The following KCP variants were observed in gnomAD, a reference collection of about 807,000 sequenced individuals.
KCP encodes kielin/chordin-like protein.
KCP carries 194 observed loss-of-function variants against 212.7 expected under a neutral mutation model. The observed-to-expected ratio is 0.91, with a 90% CI of 0.81 to 1.03. KCP has a LOEUF of 1.03. Ranked by LOEUF, KCP falls within the 50% of genes least tolerant of loss-of-function variation. The pLI is 0.00. For synonymous variants in KCP, 833 were observed against 865.3 expected (o/e 0.96, Z 0.65); for missense variants, 2,080 against 2,162.5 (o/e 0.96, Z 0.76).
chr7:128,903,947 A>C, intron 6 of KCP, 109 bp downstream of exon 6: 1 of 1,355,468 alleles, frequency 7.4e-7, no homozygotes, highest in Non-Finnish European at 1.0e-6. Flanking sequence ...AGCTGGCTCC[A>C]CCTCTCGGGA....
At chr7:128,886,767 G>C in intron 24 of KCP, 30 bp from the exon 25 acceptor site, 1 of 1,544,096 alleles carries the variant, frequency 6.5e-7, no homozygotes, top group Non-Finnish European at 8.8e-7. Flanking sequence ...TGGGTGGGGG[G>C]CCTGTGCCAC....
chr7:128,907,998 G>A (rs1214126349), intron 2 of KCP, among the ~76,000 whole-genome samples: 2 of 151,728 alleles, frequency 1.3e-5, no homozygotes, highest in Non-Finnish European at 2.9e-5. Context: ...GTATGGTGGT[G>A]CACACTTGTA....
At chr7:128,877,847 G>A in intron 38 of KCP, 57 bp from the exon 39 acceptor site, 2 of 1,456,636 alleles carry the variant, frequency 1.4e-6, no homozygotes, top group Non-Finnish European at 1.9e-6. Flanking sequence ...GCCTCTGCAT[G>A]CCGTGCTCTT....
In KCP at chr7:128,892,937, T is replaced by C; in HGVS notation, c.1352A>G (p.Asp451Gly). The C allele has an allele frequency of 1.4e-6, 2 of 1,466,250 alleles. No homozygotes were observed. Among genetic ancestry groups the C allele is most frequent in the Non-Finnish European group, 1.9e-6 (2 of 1,069,276 alleles). The allele number at this position is 1,466,250 out of a possible 1,614,324, so 90.8% of individuals were successfully genotyped here. A position where few individuals can be genotyped will look rare whatever the true frequency, so the allele number is the denominator to read the frequency against. The change falls in exon 14 of 40, where the codon GAT (aspartate) becomes GGT (glycine). Residue 451 changes from aspartate to glycine, a missense_variant. Coordinates refer to ENST00000610776, the MANE Select transcript of KCP (RefSeq NM_001366122.1). ...CACAGCCCCGCACTTGGGTACCCCA[T>C]CTTGACAGACGCAGGCGGTGCAGGG... ...GRPCTACVCQDGVPKCGAVLC... is the reference protein window; with the variant it reads ...GRPCTACVCQGGVPKCGAVLC...
chr7:128,892,750 C>T lies in KCP; in HGVS notation c.1465G>A (p.Val489Met). 6.4e-7 allele frequency: 1 copy of T among 1,551,806 alleles called. No individual in the cohort carries two copies. Among genetic ancestry groups the T allele is most frequent in the Non-Finnish European group, 8.7e-7 (1 of 1,146,980 alleles). Residue 489 changes from valine (V) to methionine (M), a missense_variant, in exon 15 of 40, where the codon GTG becomes ATG. By Grantham distance (21) the Val-to-Met change is conservative (BLOSUM62 1). Transcript: ENST00000610776. ...GTGAAGTTCTGCCCATTGGCATACA[C>T]TTGGCTGTGGTAGGTGCAGCTGTCA... ...SCDSCTYHSQ[V>M]YANGQNFTDA... is the part of the protein sequence containing the mutation.
In KCP at chr7:128,894,274, C is replaced by A. The variant is rs904732421; in HGVS notation, c.851G>T (p.Arg284Leu). The change falls in exon 9 of 40, where the codon CGC (arginine) becomes CTC (leucine). Residue 284 changes from arginine to leucine, a missense_variant. Arg to Leu is a moderately radical substitution (Grantham distance 102). Transcript: ENST00000610776. ...ACACAGGCTGGCACATTCTCGCTGGCGGCACTGGATGTGACCCTCCTGGTG... is the reference window on the plus strand; with the variant it reads ...ACACAGGCTGGCACATTCTCGCTGGAGGCACTGGATGTGACCCTCCTGGTG... ...CRCLEGHIQC[R>L]QRECASLCPY... 10 of 1,542,866 alleles carry A rather than the reference C, an allele frequency of 6.5e-6. No homozygotes were observed. The highest frequency in any genetic ancestry group is 8.8e-6 in the Non-Finnish European group (10 of 1,141,304).
chr7:128,910,702 C>G lies in KCP; in HGVS notation c.-26G>C. Reference sequence around the variant, plus strand: ...GCTAGCTCCGCCTCGCTCGGCTCGCCGTCTGTCGTCGCGGCTCAGCAGGCG... The same window carrying G: ...GCTAGCTCCGCCTCGCTCGGCTCGCGGTCTGTCGTCGCGGCTCAGCAGGCG... On this transcript the variant is annotated 5_prime_UTR_variant, in exon 1 of 40. Transcript: ENST00000610776. 4.1e-6 allele frequency: 6 copies of G among 1,467,452 alleles called. No homozygotes were observed. The highest frequency in any genetic ancestry group is 5.4e-6 in the Non-Finnish European group (6 of 1,115,710). 90.9% of individuals were successfully genotyped at this position (1,467,452 alleles called of 1,614,324 possible).
At chr7:128,879,296 A>C (rs1315746639) in intron 37 of KCP, 2 of 558,132 alleles carry the variant, frequency 3.6e-6, no homozygotes, top group East Asian at 5.8e-5. Context: ...TGGTGGCTTA[A>C]GAGGCTGAGC....
rs1312120130 is a variant in KCP, at chr7:128,879,952, C to G, written c.3893G>C (p.Ser1298Thr). ...GTGGCAGTCCTTGGCCAGCACATAG[C>G]TGCAACTGCCCTGGAAGTGCAGCAG... ...GRLLHFQGSC[S>T]YVLAKDCHSG... Residue 1298 changes from serine to threonine, a missense_variant, in exon 35 of 40, where the codon AGC becomes ACC. Transcript: ENST00000610776. The G allele has an allele frequency of 1.3e-6, 2 of 1,550,968 alleles. No homozygotes were observed. The highest frequency in any genetic ancestry group is 1.7e-6 in the Non-Finnish European group (2 of 1,146,958).
At position 128,893,470 on chromosome 7, in the gene KCP, T is replaced by C. The variant is rs1794311465; in HGVS notation, c.1106A>G (p.Glu369Gly). ...GQCCPVCDGC[E>G]YQGHQYQSQE... is the part of the protein sequence containing the mutation. ...GCTCTGATACTGGTGTCCCTGGTAC[T>C]CACAGCCTGGATGGGATGACAGGGG... Residue 369 changes from glutamate (E) to glycine (G), a missense_variant, in exon 12 of 40, where the codon GAG (glutamate) becomes GGG (glycine). Coordinates refer to ENST00000610776, the MANE Select transcript of KCP (RefSeq NM_001366122.1). 1 of 1,550,460 alleles carries C rather than the reference T, an allele frequency of 6.4e-7. No homozygotes were observed. The highest frequency in any genetic ancestry group is 8.7e-7 in the Non-Finnish European group (1 of 1,145,980).
chr7:128,883,803 C>A (rs1187519109), intron 29 of KCP, among the ~76,000 whole-genome samples, 199 bp downstream of exon 29: 3 of 152,234 alleles, frequency 2.0e-5, no homozygotes, highest in Non-Finnish European at 2.9e-5. Flanking sequence ...AAACTGCACC[C>A]AGCTGCGGAG....
At chr7:128,902,432 G>A (rs977874020) in intron 8 of KCP, among the ~76,000 whole-genome samples, 1 of 152,186 alleles carries the variant, frequency 6.6e-6, no homozygotes, top group African/African-American at 2.4e-5. Flanking sequence ...GGTAGTAGTG[G>A]CTGTGAATTG....
rs1795374612 is a variant in KCP at position 128,910,496 on chromosome 7, G to T, written c.76+105C>A. On this transcript the variant is annotated intron_variant, in intron 1 of 39. Transcript: ENST00000610776. ...AGGGAGGCGCGCGAACCTCAGGCAG[G>T]GCTAAGAGCAGAGCCCCCAGCCCCT... The T allele has an allele frequency of 2.3e-5, 25 of 1,089,388 alleles. No individual in the cohort carries two copies. The South Asian group carries it at 3.9e-4, about 17-fold the overall frequency. 67.5% of individuals were successfully genotyped at this position (1,089,388 alleles called of 1,614,324 possible).
rs766920407 is a variant in KCP at position 128,891,660 on chromosome 7, G to C, written c.1781C>G (p.Pro594Arg). The change falls in exon 17 of 40, where the codon CCG becomes CGG. Residue 594 changes from proline (P) to arginine (R), a missense_variant. Transcript: ENST00000610776. Reference protein sequence around the residue: ...CAHPLPGTCCPNDCSGCAFGG... With the variant: ...CAHPLPGTCCRNDCSGCAFGG... ...GCCCACCTCACCGCTGCAGTCGTTC[G>C]GGCAGCAGGTCCCAGGCAGCGGGTG... 4 of 1,461,020 alleles carry C rather than the reference G, an allele frequency of 2.7e-6. No individual in the cohort carries two copies. The highest frequency in any genetic ancestry group is 3.6e-6 in the Non-Finnish European group (4 of 1,104,774). The allele number at this position is 1,461,020 out of a possible 1,614,324, so 90.5% of individuals were successfully genotyped here.
intron 23 of KCP, 31 bp downstream of exon 23, chr7:128,887,184 G>A: frequency 6.5e-7 from 1 of 1,540,098 alleles, no homozygotes; most frequent in Non-Finnish European, 8.8e-7. Flanking sequence ...AGGGAGGAAA[G>A]GTTACCAAGG....
At position 128,887,280 on chromosome 7, in the gene KCP, TGAC is replaced by T; in HGVS notation, c.2530_2532del (p.Val844del). 6.4e-7 allele frequency: 1 copy of T among 1,551,338 alleles called. No individual in the cohort carries two copies. Among genetic ancestry groups the T allele is most frequent in the Non-Finnish European group, 8.7e-7 (1 of 1,146,810 alleles). Reference sequence around the variant, plus strand: ...GGAAGGGTCTCTCCGGAGGCAGTAGTGACGCCATGGTAGCGGCATCCTGGCAGA... The same window carrying T: ...GGAAGGGTCTCTCCGGAGGCAGTAGTGCCATGGTAGCGGCATCCTGGCAGA... On this transcript the variant is annotated inframe_deletion, in exon 23 of 40. Coordinates refer to ENST00000610776, the MANE Select transcript of KCP (RefSeq NM_001366122.1).
rs1472235409 is a variant in KCP at position 128,879,826 on chromosome 7, C to T, written c.3936G>A (p.Val1312=). 10 of 1,551,028 alleles carry T rather than the reference C, an allele frequency of 6.4e-6. No individual in the cohort carries two copies. Among genetic ancestry groups the T allele is most frequent in the East Asian group, 2.4e-5 (1 of 40,912 alleles). ...AKDCHSGDFS[V]HVTNDDRGRS... ...GGCCCCGGTCATCATTGGTCACGTG[C>T]ACACTGTGGGCAGGAAAGTCCCAGG... Residue 1312 remains valine, a synonymous_variant, in exon 36 of 40, where the codon GTG becomes GTA. Coordinates refer to ENST00000610776, the MANE Select transcript of KCP (RefSeq NM_001366122.1).
chr7:128,906,976 G>T, intron 4 of KCP, 125 bp downstream of exon 4: 1 of 910,120 alleles, frequency 1.1e-6, no homozygotes, highest in Non-Finnish European at 1.7e-6. Context: ...GAAAGCCACC[G>T]TGGCAAGGTG....
rs918759743 is a variant in KCP, at chr7:128,890,401, T to A, written c.2277A>T (p.Ala759=). Reference sequence around the variant, plus strand: ...GGAAGGGGCACAGTGCAGGGGCACATGCCTTGGGCTCGCAGCTCACGCTGC... The same window carrying A: ...GGAAGGGGCACAGTGCAGGGGCACAAGCCTTGGGCTCGCAGCTCACGCTGC... ...WEGSVSCEPK[A]CAPALCPFPA... The change falls in exon 21 of 40, where the codon GCA becomes GCT. Residue 759 remains alanine, a synonymous_variant. Transcript: ENST00000610776. The A allele has an allele frequency of 1.8e-5, 28 of 1,551,094 alleles. No individual in the cohort carries two copies. Among genetic ancestry groups the A allele is most frequent in the Admixed American group, 2.0e-5 (1 of 50,980 alleles).
Sources: gnomAD v4.1 joint callset for allele counts (sites outside exome capture counted in the v4.1 genomes callset) on GRCh38, gnomAD v4.1.1 for gene constraint, MANE v1.5 for transcripts, NCBI Gene and HGNC (gene_info 2026-07-23, HGNC 2026-07-21) for gene names.